Variants in STX8 observed in about 807,000 individuals in gnomAD.
The protein encoded by STX8 is syntaxin 8.
STX8 carries 23 observed loss-of-function variants against 37.5 expected under a neutral mutation model. The ratio of observed to expected loss-of-function variants is 0.61; its 90% CI spans 0.44 to 0.87. The LOEUF (loss-of-function observed/expected upper bound fraction) is 0.87, where lower values mean the gene tolerates loss of function less well. Among genes scored for constraint, STX8 ranks in the 40% least tolerant of loss-of-function variants. The pLI, the probability that STX8 is intolerant of heterozygous loss-of-function variation, is 0.00. For synonymous variants in STX8, 115 were observed against 99.1 expected (o/e 1.16, Z -0.95); for missense variants, 313 against 284.7 (o/e 1.10, Z -0.71).
At chr17:9,261,616 G>A (rs1247579459) in intron 7 of STX8, among the ~76,000 whole-genome samples, 1 of 152,160 alleles carries the variant, frequency 6.6e-6, no homozygotes, top group Non-Finnish European at 1.5e-5. Context: ...GGCCCCATCT[G>A]TGTTCTTAAG....
intron 2 of STX8, among the ~76,000 whole-genome samples, chr17:9,558,551 A>G (rs1907073296): frequency 6.6e-6 from 1 of 152,164 alleles, no homozygotes; most frequent in Non-Finnish European, 1.5e-5. Flanking sequence ...AAGAGAAAAG[A>G]GCGGCCGGGC....
intron 6 of STX8, among the ~76,000 whole-genome samples, chr17:9,410,361 T>G (rs556589691): frequency 2.0e-5 from 3 of 152,338 alleles, no homozygotes; most frequent in Admixed American, 1.3e-4. Flanking sequence ...AAATTGTACG[T>G]TTCCTTCCTT....
intron 7 of STX8, among the ~76,000 whole-genome samples, chr17:9,282,194 G>A (rs1251232160): frequency 2.0e-5 from 3 of 152,152 alleles, no homozygotes; most frequent in Non-Finnish European, 2.9e-5. Context: ...GTGCAGTGGC[G>A]TGATCTTGGC....
chr17:9,410,485 A>G (rs562102330), intron 6 of STX8, among the ~76,000 whole-genome samples: 1 of 152,330 alleles, frequency 6.6e-6, no homozygotes, highest in Non-Finnish European at 1.5e-5. Flanking sequence ...AAAACGCGGT[A>G]ACGTGCCATG....
chr17:9,372,402 C>T (rs1911436197), intron 7 of STX8, among the ~76,000 whole-genome samples: 2 of 152,082 alleles, frequency 1.3e-5, no homozygotes, highest in South Asian at 4.2e-4. Context: ...ACTAAATTTC[C>T]ACCCCATTTG....
Position 9,344,949 on chromosome 17 carries a change from T to C in STX8, c.643+33603A>G, listed in dbSNP as rs1176783413. ...TCTGATTTGCAGTTGTGTTTTAACC[T>C]GGTCAGTGTTTTAAAAATCGGCAAA... On this transcript the variant is annotated intron_variant, in intron 7 of 7. Transcript: ENST00000306357. Among the ~76,000 whole-genome samples the C allele has an allele frequency of 2.0e-5, 3 of 152,174 alleles. No homozygotes were observed. In the East Asian group the frequency reaches 5.8e-4, roughly 29 times the overall value.
At chr17:9,496,316 T>C (rs534906680) in intron 5 of STX8, among the ~76,000 whole-genome samples, 63 of 152,294 alleles carry the variant, frequency 4.1e-4, no homozygotes, top group Non-Finnish European at 7.4e-4. Flanking sequence ...CCTCAGGTGA[T>C]CCAGCTGCCT....
In STX8 at chr17:9,428,309, C is replaced by T. The variant is rs558499515; in HGVS notation, c.542-49656G>A. ...AGCCTGGTGGGCAGTGGCGCGATCT[C>T]GGCTCACTGCAAGCTCCGCCTCCCG... is the stretch of plus-strand genomic sequence containing the variant. On this transcript the variant is annotated intron_variant, in intron 6 of 7. Coordinates refer to ENST00000306357, the MANE Select transcript of STX8 (RefSeq NM_004853.3). 2.1e-4 allele frequency among the ~76,000 whole-genome samples: 32 copies of T among 152,318 alleles called. 1 individual carries two copies. The South Asian group carries it at 5.8e-3, about 28-fold the overall frequency.
At chr17:9,410,159 A>C (rs62067153) in intron 6 of STX8, among the ~76,000 whole-genome samples, 27,123 of 152,238 alleles carry the variant, frequency 0.18, 3,160 homozygotes, top group Non-Finnish European at 0.27. Flanking sequence ...TGCTTGCATG[A>C]ATGGCATGGA....
intron 7 of STX8, among the ~76,000 whole-genome samples, chr17:9,365,173 T>A (rs935610601): frequency 8.5e-5 from 13 of 152,264 alleles, no homozygotes; most frequent in East Asian, 3.9e-4. Flanking sequence ...GTATTTTTTT[T>A]ATGTGAATTT....
At chr17:9,399,732 G>A (rs538470147) in intron 6 of STX8, among the ~76,000 whole-genome samples, 115 of 151,822 alleles carry the variant, frequency 7.6e-4, no homozygotes, top group Admixed American at 2.0e-3. Flanking sequence ...TGGGTGTGGC[G>A]GTGCGTGCCT....
At chr17:9,338,935 G>A (rs182947122) in intron 7 of STX8, among the ~76,000 whole-genome samples, 1,557 of 152,112 alleles carry the variant, frequency 0.01, 18 homozygotes, top group Middle Eastern at 0.027. Context: ...GCTGGTTGTG[G>A]TGGCGGGTGC....
chr17:9,296,008 G>A (rs369975870), intron 7 of STX8, among the ~76,000 whole-genome samples: 1 of 152,048 alleles, frequency 6.6e-6, no homozygotes, highest in Non-Finnish European at 1.5e-5. Context: ...GGCTAACACG[G>A]TGAAACCCTG....
intron 1 of STX8, among the ~76,000 whole-genome samples, chr17:9,574,428 GA>G (rs1359671251): frequency 6.6e-6 from 1 of 151,664 alleles, no homozygotes; most frequent in African/African-American, 2.4e-5. Context: ...CCAAATTATA[GA>G]GTTAAAGATG....
At chr17:9,333,132 T>C (rs1445505216) in intron 7 of STX8, among the ~76,000 whole-genome samples, 1 of 152,170 alleles carries the variant, frequency 6.6e-6, no homozygotes, top group Non-Finnish European at 1.5e-5. Context: ...AGGAGGTACA[T>C]ATACAGATTT....
chr17:9,383,529 GGTGGAAC>G (rs1211862595), intron 6 of STX8, among the ~76,000 whole-genome samples: 1 of 152,168 alleles, frequency 6.6e-6, no homozygotes, highest in African/African-American at 2.4e-5. Flanking sequence ...CATACTTACA[GGTGGAAC>G]ATGGAACATT....
intron 7 of STX8, among the ~76,000 whole-genome samples, chr17:9,255,346 G>A (rs1223112394): frequency 2.6e-5 from 4 of 152,132 alleles, no homozygotes; most frequent in Non-Finnish European, 5.9e-5. Flanking sequence ...GGCCAACACA[G>A]AGAAACCACG....
At chr17:9,405,863 A>C (rs891356713) in intron 6 of STX8, among the ~76,000 whole-genome samples, 2 of 152,246 alleles carry the variant, frequency 1.3e-5, no homozygotes, top group African/African-American at 4.8e-5. Context: ...ACCATCCGTT[A>C]CTGGCATTAA....
rs1376542140 is a variant in STX8, at chr17:9,314,560, C to T, written c.644-63915G>A. Among the ~76,000 whole-genome samples, 5 of 150,610 alleles carry T rather than the reference C, an allele frequency of 3.3e-5. No homozygotes were observed. In the East Asian group the frequency reaches 7.9e-4, roughly 24 times the overall value. ...CTACAGGCGCCCCCACTCCCATGCCCGGCTAATTTTTTGTATTTTTTTTTT... is the reference window on the plus strand; with the variant it reads ...CTACAGGCGCCCCCACTCCCATGCCTGGCTAATTTTTTGTATTTTTTTTTT... On this transcript the variant is annotated intron_variant, in intron 7 of 7. Coordinates refer to ENST00000306357, the MANE Select transcript of STX8 (RefSeq NM_004853.3).
Sources: allele counts gnomAD v4.1 joint callset (sites outside exome capture counted in the v4.1 genomes callset), GRCh38; gene constraint gnomAD v4.1.1; transcripts MANE v1.5; gene names NCBI Gene and HGNC (gene_info 2026-07-23, HGNC 2026-07-21).